The following CREM variants were observed in gnomAD, a reference collection of about 807,000 sequenced individuals.
The protein encoded by CREM is cAMP responsive element modulator.
A neutral mutation model predicts 37.3 loss-of-function variants in CREM; 13 were observed. That is an observed-to-expected ratio of 0.35 (90% confidence interval 0.23 to 0.55). CREM has a LOEUF of 0.55. Ranked by LOEUF, CREM falls within the 20% of genes least tolerant of loss-of-function variation. CREM has a pLI of 0.88. For missense variants in CREM, 296 were observed against 362.3 expected, an observed-to-expected ratio of 0.82 and a Z score of 1.49; for synonymous variants, 124 against 120.2, an observed-to-expected ratio of 1.03 and a Z score of -0.21.
At chr10:35,149,816 G>A (rs1320026569) in intron 3 of CREM, among the ~76,000 whole-genome samples, 1 of 149,874 alleles carries the variant, frequency 6.7e-6, no homozygotes, top group Non-Finnish European at 1.5e-5. Context: ...ATTCTGTAGA[G>A]CTGTATCTCC....
At chr10:35,169,475 C>T (rs566996679) in intron 3 of CREM, among the ~76,000 whole-genome samples, 2 of 152,182 alleles carry the variant, frequency 1.3e-5, no homozygotes, top group Non-Finnish European at 2.9e-5. Flanking sequence ...AGTTGCTTAT[C>T]AGCTTAAGGA....
At chr10:35,143,648 C>G (rs1589369878) in intron 2 of CREM, among the ~76,000 whole-genome samples, 1 of 152,112 alleles carries the variant, frequency 6.6e-6, no homozygotes, top group East Asian at 1.9e-4. Flanking sequence ...CATCAGGGGC[C>G]AGAGTCTTCA....
chr10:35,161,645 A>G (rs968433311), intron 3 of CREM, among the ~76,000 whole-genome samples: 4 of 149,316 alleles, frequency 2.7e-5, no homozygotes, highest in African/African-American at 9.9e-5. Context: ...CCTGGGCAAC[A>G]GAGTGAGACT....
At chr10:35,162,012 C>G (rs185458928) in intron 3 of CREM, among the ~76,000 whole-genome samples, 2 of 152,142 alleles carry the variant, frequency 1.3e-5, no homozygotes, top group Non-Finnish European at 2.9e-5. Context: ...GGCCAAGATA[C>G]GGAATCAGCC....
At chr10:35,166,425 G>T (rs776638899) in intron 3 of CREM, among the ~76,000 whole-genome samples, 4 of 152,056 alleles carry the variant, frequency 2.6e-5, no homozygotes, top group Non-Finnish European at 4.4e-5. Context: ...ACTGGGTGTG[G>T]TGACAGGCAC....
At chr10:35,195,980 C>T in intron 6 of CREM, 1 of 1,486,372 alleles carries the variant, frequency 6.7e-7, no homozygotes, top group Non-Finnish European at 9.4e-7. Context: ...GACTGAATAG[C>T]TTTTCTTGTT....
intron 3 of CREM, among the ~76,000 whole-genome samples, chr10:35,164,847 C>G (rs990693261): frequency 6.6e-6 from 1 of 151,938 alleles, no homozygotes; most frequent in Non-Finnish European, 1.5e-5. Context: ...CTCAGGAGTT[C>G]GAGACGAGCC....
At chr10:35,156,676 G>A (rs1465303315) in intron 3 of CREM, among the ~76,000 whole-genome samples, 1 of 152,158 alleles carries the variant, frequency 6.6e-6, no homozygotes, top group Non-Finnish European at 1.5e-5. Context: ...TAGTTGTGAC[G>A]ATATCTTCAT....
chr10:35,140,742 C>T (rs1226685690), intron 2 of CREM, among the ~76,000 whole-genome samples: 2 of 152,156 alleles, frequency 1.3e-5, no homozygotes, highest in African/African-American at 4.8e-5. Context: ...TTGGTGTCCT[C>T]GAACCAGGCC....
chr10:35,139,946 C>T (rs1269642383), intron 2 of CREM, among the ~76,000 whole-genome samples: 2 of 152,062 alleles, frequency 1.3e-5, no homozygotes, highest in Non-Finnish European at 2.9e-5. Context: ...AGTGCTTGAC[C>T]CATGTTGAGC....
At chr10:35,195,333 G>A in intron 6 of CREM, 1 of 1,116,328 alleles carries the variant, frequency 9.0e-7, no homozygotes, top group Non-Finnish European at 1.3e-6. Context: ...TTAGGTGTAA[G>A]ACTTTTTTTG....
intron 6 of CREM, among the ~76,000 whole-genome samples, chr10:35,197,632 G>C (rs2095247226): frequency 2.0e-5 from 3 of 151,810 alleles, no homozygotes; most frequent in African/African-American, 7.3e-5. Flanking sequence ...TTGTTTTTTT[G>C]TATTTTAGTA....
intron 7 of CREM, among the ~76,000 whole-genome samples, chr10:35,209,562 A>G (rs976812275): frequency 6.6e-6 from 1 of 152,220 alleles, no homozygotes; most frequent in Admixed American, 6.5e-5. Context: ...GTAGAAGATG[A>G]AGTATGAGTA....
At chr10:35,134,818 A>G (rs544744520) in intron 1 of CREM, among the ~76,000 whole-genome samples, 10 of 152,144 alleles carry the variant, frequency 6.6e-5, no homozygotes, top group African/African-American at 2.2e-4. Context: ...CAGGCGGATC[A>G]CTTGAAGTCA....
intron 3 of CREM, among the ~76,000 whole-genome samples, chr10:35,150,924 A>G (rs1382847634): frequency 7.9e-6 from 1 of 126,860 alleles, no homozygotes; most frequent in African/African-American, 3.1e-5. Flanking sequence ...AGTAATGTGG[A>G]GTCTGAAAAG....
At chr10:35,177,497 G>C (rs1589969005) in intron 3 of CREM, among the ~76,000 whole-genome samples, 1 of 152,284 alleles carries the variant, frequency 6.6e-6, no homozygotes, top group East Asian at 1.9e-4. Context: ...AGAATTCTCA[G>C]TATGTTACCC....
intron 5 of CREM, among the ~76,000 whole-genome samples, chr10:35,187,108 TTATATAAA>T (rs1325249515): frequency 8.0e-4 from 60 of 75,098 alleles, no homozygotes; most frequent in East Asian, 6.8e-3. Flanking sequence ...ATGATATATA[TTATATAAA>T]TATATAAATA....
chr10:35,206,831 T>C, intron 6 of CREM, 64 bp from the exon 7 acceptor site: 23 of 1,507,584 alleles, frequency 1.5e-5, no homozygotes, highest in Non-Finnish European at 2.1e-5. Context: ...TCCAGATCAG[T>C]TTTATGTAAA....
chr10:35,168,591 T>G (rs186810645), intron 3 of CREM, among the ~76,000 whole-genome samples: 158 of 152,358 alleles, frequency 1.0e-3, no homozygotes, highest in African/African-American at 3.7e-3. Flanking sequence ...GTGCAGAAGC[T>G]CTTTAGTTTA....
Sources: allele counts gnomAD v4.1 joint callset (sites outside exome capture counted in the v4.1 genomes callset), GRCh38; gene constraint gnomAD v4.1.1; transcripts MANE v1.5; gene names NCBI Gene and HGNC (gene_info 2026-07-23, HGNC 2026-07-21).